Variants in MAGI2 observed in about 807,000 individuals in gnomAD.
MAGI2 encodes the protein membrane associated guanylate kinase, WW and PDZ domain containing 2, also known as membrane-associated guanylate kinase, WW and PDZ domain-containing protein 2.
A neutral mutation model predicts 133.3 loss-of-function variants in MAGI2; 35 were observed. That is an observed-to-expected ratio of 0.26 (90% confidence interval 0.20 to 0.35). The LOEUF (loss-of-function observed/expected upper bound fraction) is 0.35, where lower values mean the gene tolerates loss of function less well. Among genes scored for constraint, MAGI2 ranks in the 10% least tolerant of loss-of-function variants. The pLI, the probability that MAGI2 is intolerant of heterozygous loss-of-function variation, is 1.00. For missense variants in MAGI2, 1,636 were observed against 1,863.4 expected (o/e 0.88, Z 2.25); for synonymous variants, 729 against 710.6 (o/e 1.03, Z -0.41).
chr7:79,028,336 T>TACACAC lies in MAGI2; in HGVS notation c.302-21136_302-21131dup, dbSNP rs748319312. ...ATACACACATATATATACATATATA[T>TACACAC]ACACACACACACACACACATACACA... On this transcript the variant is annotated intron_variant, in intron 1 of 21. Coordinates refer to ENST00000354212, the MANE Select transcript of MAGI2 (RefSeq NM_012301.4). Among the ~76,000 whole-genome samples, 719 of 124,454 alleles carry TACACAC rather than the reference T, an allele frequency of 5.8e-3. 20 individuals carry two copies. Among genetic ancestry groups the TACACAC allele is most frequent in the African/African-American group, 0.021 (664 of 31,288 alleles). 81.6% of individuals were successfully genotyped at this position (124,454 alleles called of 152,430 possible). A position where few individuals can be genotyped will look rare whatever the true frequency, so the allele number is the denominator to read the frequency against.
At chr7:78,110,345 C>T (rs190237170) in intron 20 of MAGI2, among the ~76,000 whole-genome samples, 4 of 152,168 alleles carry the variant, frequency 2.6e-5, no homozygotes, top group African/African-American at 9.7e-5. Context: ...GGGGTATATG[C>T]ATCCTTCAGG....
At chr7:78,482,890 CACACA>C (rs371588519) in intron 6 of MAGI2, among the ~76,000 whole-genome samples, 47,655 of 148,544 alleles carry the variant, frequency 0.32, 8,044 homozygotes, top group East Asian at 0.54. Context: ...CACACACACA[CACACA>C]CACACACACA....
At chr7:78,504,225 A>G (rs918447826) in intron 4 of MAGI2, among the ~76,000 whole-genome samples, 1 of 152,204 alleles carries the variant, frequency 6.6e-6, no homozygotes, top group Non-Finnish European at 1.5e-5. Context: ...GAGTGAGTAT[A>G]TGAGATAATT....
At chr7:78,069,535 GAGAGGA>G (rs1283304714) in intron 21 of MAGI2, among the ~76,000 whole-genome samples, 6 of 107,524 alleles carry the variant, frequency 5.6e-5, no homozygotes, top group Admixed American at 2.1e-4. Flanking sequence ...GAAAGAAAGA[GAGAGGA>G]GAGAGAGAGA....
At chr7:78,352,140 T>A (rs1791583612) in intron 7 of MAGI2, among the ~76,000 whole-genome samples, 1 of 152,228 alleles carries the variant, frequency 6.6e-6, no homozygotes, top group South Asian at 2.1e-4. Flanking sequence ...ACTATCATCA[T>A]TCATCGCATA....
chr7:79,246,971 C>T (rs182488768), intron 1 of MAGI2, among the ~76,000 whole-genome samples: 2 of 152,032 alleles, frequency 1.3e-5, no homozygotes, highest in African/African-American at 4.8e-5. Context: ...TTTGTGGAAA[C>T]CTTATAAGCC....
In MAGI2 at chr7:78,213,171, G is replaced by A. The variant is rs539492745; in HGVS notation, c.2048-11978C>T. The stretch of plus-strand genomic sequence containing the variant: ...CAATTCTTCCTGGACTATAGCAAGA[G>A]CATTTGCTTTGGGATTTCTCTGAAG... On this transcript the variant is annotated intron_variant, in intron 10 of 21. Coordinates refer to ENST00000354212, the MANE Select transcript of MAGI2 (RefSeq NM_012301.4). 1.0e-4 allele frequency among the ~76,000 whole-genome samples: 14 copies of A among 136,904 alleles called. No homozygotes were observed. In the South Asian group the frequency reaches 2.1e-3, roughly 20 times the overall value. The allele number at this position is 136,904 out of a possible 152,430, so 89.8% of individuals were successfully genotyped here. A position where few individuals can be genotyped will look rare whatever the true frequency, so the allele number is the denominator to read the frequency against.
chr7:78,727,647 T>C (rs1820948151), intron 2 of MAGI2, among the ~76,000 whole-genome samples: 2 of 152,244 alleles, frequency 1.3e-5, no homozygotes, highest in Admixed American at 6.5e-5. Flanking sequence ...TGTGAGGTTT[T>C]CATTTTGACT....
chr7:78,049,429 T>C (rs950567772), intron 21 of MAGI2, among the ~76,000 whole-genome samples: 3 of 152,240 alleles, frequency 2.0e-5, no homozygotes, highest in African/African-American at 7.2e-5. Context: ...TTTTACTTAG[T>C]GCTCCTACCT....
chr7:78,202,556 A>T (rs1231070471), intron 10 of MAGI2, among the ~76,000 whole-genome samples: 2 of 151,492 alleles, frequency 1.3e-5, no homozygotes, highest in African/African-American at 4.9e-5. Flanking sequence ...GGAGGCATGC[A>T]CCTGTAATCC....
At chr7:79,356,933 T>C (rs2129117328) in intron 1 of MAGI2, among the ~76,000 whole-genome samples, 1 of 152,342 alleles carries the variant, frequency 6.6e-6, no homozygotes, top group African/African-American at 2.4e-5. Flanking sequence ...ATTTCAATTT[T>C]GCTTGACAGT....
At chr7:79,240,788 C>T (rs551968562) in intron 1 of MAGI2, among the ~76,000 whole-genome samples, 8 of 151,590 alleles carry the variant, frequency 5.3e-5, no homozygotes, top group South Asian at 2.1e-4. Flanking sequence ...TCCCTCACAA[C>T]TCTCTTTTTT....
intron 2 of MAGI2, among the ~76,000 whole-genome samples, chr7:78,704,727 CAAG>C (rs1818432833): frequency 1.3e-5 from 2 of 148,896 alleles, no homozygotes; most frequent in Admixed American, 6.7e-5. Flanking sequence ...CCATGAAAAA[CAAG>C]AAGATCATGT....
At chr7:78,394,719 A>G (rs1191639858) in intron 6 of MAGI2, among the ~76,000 whole-genome samples, 1 of 152,020 alleles carries the variant, frequency 6.6e-6, no homozygotes, top group Admixed American at 6.6e-5. Context: ...ATTTTTTTTC[A>G]CCATTAGACA....
chr7:79,180,191 T>C (rs1826487026), intron 1 of MAGI2, among the ~76,000 whole-genome samples: 1 of 151,934 alleles, frequency 6.6e-6, no homozygotes, highest in Non-Finnish European at 1.5e-5. Context: ...ATCGGGGAAA[T>C]GCAAATCAAA....
At chr7:78,061,988 G>T (rs1813325648) in intron 21 of MAGI2, among the ~76,000 whole-genome samples, 1 of 152,226 alleles carries the variant, frequency 6.6e-6, no homozygotes, top group Non-Finnish European at 1.5e-5. Context: ...ATTGGGCAGA[G>T]CATGCCTGTT....
intron 9 of MAGI2, among the ~76,000 whole-genome samples, chr7:78,341,591 G>C (rs948910133): frequency 6.6e-6 from 1 of 152,024 alleles, no homozygotes; most frequent in Non-Finnish European, 1.5e-5. Context: ...AAATAGCATC[G>C]TACTGGTACC....
intron 1 of MAGI2, among the ~76,000 whole-genome samples, chr7:79,136,526 A>G (rs1459117742): frequency 5.3e-5 from 8 of 152,340 alleles, no homozygotes; most frequent in Admixed American, 3.3e-4. Flanking sequence ...CTTTTCAGAC[A>G]CTAGTCAATG....
chr7:78,664,511 A>G (rs185136251), intron 2 of MAGI2, among the ~76,000 whole-genome samples: 1 of 152,124 alleles, frequency 6.6e-6, no homozygotes, highest in African/African-American at 2.4e-5. Context: ...TTTCATAGAT[A>G]ATTTTAAGAT....
Sources: allele counts gnomAD v4.1 joint callset (sites outside exome capture counted in the v4.1 genomes callset), GRCh38; gene constraint gnomAD v4.1.1; transcripts MANE v1.5; gene names NCBI Gene and HGNC (gene_info 2026-07-23, HGNC 2026-07-21).